The following SPHKAP variants were observed in gnomAD, a reference collection of about 807,000 sequenced individuals.
SPHKAP encodes SPHK1 interactor, AKAP domain containing, also known as A-kinase anchor protein SPHKAP.
SPHKAP carries 67 observed loss-of-function variants against 137.5 expected under a neutral mutation model. That is an observed-to-expected ratio of 0.49 (90% CI 0.40 to 0.60). The LOEUF (loss-of-function observed/expected upper bound fraction) is 0.60, where lower values mean the gene tolerates loss of function less well. Ranked by LOEUF, SPHKAP falls within the 20% of genes least tolerant of loss-of-function variation. The pLI, the probability that SPHKAP is intolerant of heterozygous loss-of-function variation, is 0.00. For missense variants in SPHKAP, 2,097 were observed against 2,069.3 expected (o/e 1.01, Z -0.26); for synonymous variants, 813 against 785.3 (o/e 1.04, Z -0.59).
intron 3 of SPHKAP, among the ~76,000 whole-genome samples, chr2:228,092,515 TGCC>T: frequency 1.3e-5 from 1 of 76,406 alleles, no homozygotes; most frequent in Non-Finnish European, 2.6e-5. Context: ...TACATATATG[TGCC>T]ATATATATGT....
intron 2 of SPHKAP, among the ~76,000 whole-genome samples, chr2:228,116,999 T>C (rs1698732778): frequency 6.6e-6 from 1 of 152,164 alleles, no homozygotes; most frequent in Admixed American, 6.6e-5. Flanking sequence ...AAGATATAAC[T>C]GAAACTGAGC....
rs180837189 is a variant in SPHKAP, at chr2:228,174,714, C to T, written c.32+6853G>A. On this transcript the variant is annotated intron_variant, in intron 1 of 11. Coordinates refer to ENST00000392056, the MANE Select transcript of SPHKAP (RefSeq NM_001142644.2). ...AAAACACTTCCAAGGGATGAAGCAA[C>T]CAACAGAACCAGACCTAGGTATGGC... Among the ~76,000 whole-genome samples, 186 of 152,152 alleles carry T rather than the reference C, an allele frequency of 1.2e-3. 1 individual carries two copies. Among genetic ancestry groups the T allele is most frequent in the African/African-American group, 4.3e-3 (178 of 41,540 alleles).
Position 228,019,838 on chromosome 2 carries a change from T to A in SPHKAP, c.1016A>T (p.Tyr339Phe). Residue 339 changes from tyrosine (Y) to phenylalanine (F), a missense_variant, in exon 7 of 12, where the codon TAT becomes TTT. Transcript: ENST00000392056. ...GGAGAAATAAGCATCTTTTGGAATA[T>A]ACAGTGCCTGTGATTTTTCCATTTG... ...KGQMEKSQALYIPKDAYFSMM... is the reference protein window; with the variant it reads ...KGQMEKSQALFIPKDAYFSMM... The A allele has an allele frequency of 6.2e-7, 1 of 1,614,218 alleles. No individual in the cohort carries two copies. Among genetic ancestry groups the A allele is most frequent in the South Asian group, 1.1e-5 (1 of 91,082 alleles).
chr2:228,016,742 G>A lies in SPHKAP; in HGVS notation c.4112C>T (p.Pro1371Leu), dbSNP rs772667973. The change falls in exon 7 of 12, where the codon CCG (proline) becomes CTG (leucine). Residue 1371 changes from proline (P) to leucine (L), a missense_variant. Pro to Leu is a moderately conservative substitution (Grantham distance 98). Coordinates refer to ENST00000392056, the MANE Select transcript of SPHKAP (RefSeq NM_001142644.2). Reference protein sequence around the residue: ...TLLVQESLDCPRKDSVTECKQ... With the variant: ...TLLVQESLDCLRKDSVTECKQ... The stretch of plus-strand genomic sequence containing the variant: ...ACATTCGGTAACAGAGTCTTTCCTC[G>A]GGCAATCGAGAGACTCCTGAACAAG... 1.2e-5 allele frequency: 20 copies of A among 1,613,834 alleles called. No homozygotes were observed. The East Asian group carries it at 2.5e-4, about 20-fold the overall frequency.
intron 3 of SPHKAP, among the ~76,000 whole-genome samples, chr2:228,083,160 A>C (rs1369137929): frequency 6.6e-6 from 1 of 152,236 alleles, no homozygotes; most frequent in African/African-American, 2.4e-5. Flanking sequence ...CAAAATAAGA[A>C]AGAAAAAAAG....
intron 1 of SPHKAP, among the ~76,000 whole-genome samples, chr2:228,169,047 A>G (rs915311888): frequency 2.0e-5 from 3 of 151,618 alleles, no homozygotes; most frequent in Admixed American, 2.0e-4. Flanking sequence ...AATTCTATGA[A>G]GTTTGGAAGA....
intron 3 of SPHKAP, among the ~76,000 whole-genome samples, chr2:228,056,407 C>A (rs1259801855): frequency 2.0e-5 from 3 of 152,096 alleles, no homozygotes; most frequent in Admixed American, 2.0e-4. Context: ...TTTTTGGGAC[C>A]ATCCCTTCTG....
intron 1 of SPHKAP, among the ~76,000 whole-genome samples, chr2:228,180,591 C>G (rs1023762474): frequency 6.6e-6 from 1 of 152,150 alleles, no homozygotes; most frequent in Non-Finnish European, 1.5e-5. Context: ...CACGCTAAGC[C>G]GCTGCCCAGG....
intron 3 of SPHKAP, among the ~76,000 whole-genome samples, chr2:228,069,464 T>A (rs200674317): frequency 1.6e-5 from 2 of 121,598 alleles, no homozygotes; most frequent in Non-Finnish European, 1.8e-5. Flanking sequence ...TTTTTTTTTT[T>A]AGAGATGGGG....
At chr2:228,045,680 AT>A (rs931896962) in intron 3 of SPHKAP, among the ~76,000 whole-genome samples, 59 of 152,070 alleles carry the variant, frequency 3.9e-4, no homozygotes, top group African/African-American at 1.3e-3. Flanking sequence ...GCACACCAGC[AT>A]GGCACATATA....
chr2:228,127,027 G>C (rs1280078234), intron 2 of SPHKAP, among the ~76,000 whole-genome samples: 1 of 152,142 alleles, frequency 6.6e-6, no homozygotes, highest in Non-Finnish European at 1.5e-5. Context: ...CTAATAAAAA[G>C]ATTTGATGAG....
Position 228,018,309 on chromosome 2 carries a change from T to C in SPHKAP, c.2545A>G (p.Ser849Gly), listed in dbSNP as rs748285497. 4.3e-6 allele frequency: 7 copies of C among 1,614,084 alleles called. No homozygotes were observed. The highest frequency in any genetic ancestry group is 1.7e-5 in the Admixed American group (1 of 60,012). The change falls in exon 7 of 12, where the codon AGT becomes GGT. Residue 849 changes from serine (S) to glycine (G), a missense_variant. Physicochemically the swap from Ser to Gly is moderately conservative, Grantham distance 56. Coordinates refer to ENST00000392056, the MANE Select transcript of SPHKAP (RefSeq NM_001142644.2). ...GAAGAGGCTCTGCATTCATTCTCACTGTGATGAGGGCTTTTTGTATCCTCT... is the reference window on the plus strand; with the variant it reads ...GAAGAGGCTCTGCATTCATTCTCACCGTGATGAGGGCTTTTTGTATCCTCT... ...AGEDTKSPHH[S>G]ENECRASSEG...
intron 1 of SPHKAP, among the ~76,000 whole-genome samples, chr2:228,164,839 T>C (rs4524113): frequency 0.13 from 20,469 of 152,162 alleles, 1,375 homozygotes; most frequent in East Asian, 0.2. Flanking sequence ...TGCACTCTGC[T>C]TTGCTCTCGT....
intron 7 of SPHKAP, among the ~76,000 whole-genome samples, chr2:228,013,499 C>A (rs949293956): frequency 6.6e-6 from 1 of 152,160 alleles, no homozygotes; most frequent in Admixed American, 6.5e-5. Context: ...TCTGCCTCGG[C>A]CTCCCAAAGT....
At chr2:228,014,676 T>C (rs1314856857) in intron 7 of SPHKAP, among the ~76,000 whole-genome samples, 1 of 152,176 alleles carries the variant, frequency 6.6e-6, no homozygotes, top group Non-Finnish European at 1.5e-5. Context: ...AATGATGTCC[T>C]CTAATGGGGA....
At chr2:228,024,342 G>GTTTTT (rs56031418) in intron 5 of SPHKAP, among the ~76,000 whole-genome samples, 7 of 124,542 alleles carry the variant, frequency 5.6e-5, no homozygotes, top group Admixed American at 2.5e-4. Flanking sequence ...TGCAGAGGCA[G>GTTTTT]TTTTTTTTTT....
intron 4 of SPHKAP, among the ~76,000 whole-genome samples, chr2:228,026,810 T>C (rs929790321): frequency 2.6e-5 from 4 of 152,214 alleles, no homozygotes; most frequent in African/African-American, 9.6e-5. Flanking sequence ...GGAATAACTG[T>C]CAGTAACCGA....
intron 3 of SPHKAP, among the ~76,000 whole-genome samples, chr2:228,079,454 G>A (rs1697287966): frequency 6.6e-6 from 1 of 152,172 alleles, no homozygotes; most frequent in Non-Finnish European, 1.5e-5. Flanking sequence ...AGACCCTAGT[G>A]GCAGGCTGGA....
At chr2:228,103,422 T>A (rs1213000078) in intron 3 of SPHKAP, among the ~76,000 whole-genome samples, 2 of 152,170 alleles carry the variant, frequency 1.3e-5, no homozygotes, top group Non-Finnish European at 2.9e-5. Flanking sequence ...CCCAAGTAGG[T>A]CCCTTCTGCA....
Sources: gnomAD v4.1 joint callset for allele counts (sites outside exome capture counted in the v4.1 genomes callset) on GRCh38, gnomAD v4.1.1 for gene constraint, MANE v1.5 for transcripts, NCBI Gene and HGNC (gene_info 2026-07-23, HGNC 2026-07-21) for gene names.